PARP8: variants seen among roughly 807,000 people sequenced by gnomAD.
PARP8 encodes protein mono-ADP-ribosyltransferase PARP8.
A neutral mutation model predicts 124.1 loss-of-function variants in PARP8; 51 were observed. The ratio of observed to expected loss-of-function variants is 0.41; its 90% CI spans 0.33 to 0.52. The LOEUF (loss-of-function observed/expected upper bound fraction) is 0.52, where lower values mean the gene tolerates loss of function less well. Ranked by LOEUF, PARP8 falls within the 20% of genes least tolerant of loss-of-function variation. PARP8 has a pLI of 0.21. For missense variants in PARP8, 860 were observed against 1,018.9 expected, an observed-to-expected ratio of 0.84 and a Z score of 2.12; for synonymous variants, 391 against 361.5, an observed-to-expected ratio of 1.08 and a Z score of -0.93.
chr5:50,758,279 C>A (rs1760179836), intron 3 of PARP8, among the ~76,000 whole-genome samples: 1 of 152,102 alleles, frequency 6.6e-6, no homozygotes, highest in Admixed American at 6.5e-5. Context: ...CTAAATAAAG[C>A]AAAATTTGTG....
intron 14 of PARP8, among the ~76,000 whole-genome samples, chr5:50,806,893 C>G (rs371631545): frequency 1.3e-5 from 2 of 151,872 alleles, no homozygotes; most frequent in South Asian, 2.1e-4. Context: ...ATTCATTGAC[C>G]ATTATTGAGC....
At chr5:50,794,100 A>T (rs558649344) in intron 10 of PARP8, 107 bp from the exon 11 acceptor site, 3 of 1,214,250 alleles carry the variant, frequency 2.5e-6, no homozygotes, top group Non-Finnish European at 3.4e-6. Flanking sequence ...ACTGATTTCT[A>T]TGTGTTTGCA....
At chr5:50,718,399 T>G (rs1402269363) in intron 2 of PARP8, among the ~76,000 whole-genome samples, 1 of 151,954 alleles carries the variant, frequency 6.6e-6, no homozygotes, top group Non-Finnish European at 1.5e-5. Flanking sequence ...AAACTGCTTT[T>G]AAAACCATGG....
At chr5:50,839,662 T>C (rs1480527756) in intron 25 of PARP8, among the ~76,000 whole-genome samples, 2 of 66,714 alleles carry the variant, frequency 3.0e-5, no homozygotes, top group Non-Finnish European at 6.1e-5. Context: ...GTCTCTCTCT[T>C]TCTTTCTCTC....
chr5:50,840,927 C>T (rs766025234), intron 25 of PARP8, among the ~76,000 whole-genome samples: 9 of 151,756 alleles, frequency 5.9e-5, no homozygotes, highest in East Asian at 5.8e-4. Flanking sequence ...AAGAATTAGC[C>T]AAATAGACAA....
chr5:50,682,665 C>T (rs1473180213), intron 2 of PARP8, among the ~76,000 whole-genome samples: 5 of 152,122 alleles, frequency 3.3e-5, no homozygotes, highest in South Asian at 2.1e-4. Context: ...GGGCCTTACA[C>T]TATTTTAAAT....
intron 2 of PARP8, among the ~76,000 whole-genome samples, chr5:50,732,073 C>T (rs1757025911): frequency 6.6e-6 from 1 of 152,128 alleles, no homozygotes. Context: ...CACATTAGGC[C>T]ACCAGGGTTT....
intron 2 of PARP8, among the ~76,000 whole-genome samples, chr5:50,697,481 T>C (rs1753157554): frequency 6.6e-6 from 1 of 152,200 alleles, no homozygotes; most frequent in Non-Finnish European, 1.5e-5. Flanking sequence ...TCAGAAAGAA[T>C]CCAAATTATA....
chr5:50,710,963 A>G (rs1454725892), intron 2 of PARP8, among the ~76,000 whole-genome samples: 1 of 152,182 alleles, frequency 6.6e-6, no homozygotes, highest in East Asian at 1.9e-4. Context: ...GTACATAAAC[A>G]CATATACATA....
intron 7 of PARP8, among the ~76,000 whole-genome samples, chr5:50,776,568 T>C (rs1162724806): frequency 3.3e-5 from 5 of 152,214 alleles, no homozygotes; most frequent in Non-Finnish European, 1.5e-5. Flanking sequence ...CATGAAAGAA[T>C]AAGAGTGTAA....
At chr5:50,788,331 C>A (rs1283471255) in intron 9 of PARP8, among the ~76,000 whole-genome samples, 192 bp from the exon 10 acceptor site, 1 of 146,806 alleles carries the variant, frequency 6.8e-6, no homozygotes, top group Non-Finnish European at 1.5e-5. Context: ...ATATATTATA[C>A]ATTAATGTAT....
chr5:50,746,665 T>C (rs1758576461), intron 2 of PARP8, among the ~76,000 whole-genome samples: 1 of 152,206 alleles, frequency 6.6e-6, no homozygotes, highest in African/African-American at 2.4e-5. Context: ...ACCTCTGATA[T>C]ATATATTTTT....
chr5:50,732,785 A>AT (rs1757100915), intron 2 of PARP8, among the ~76,000 whole-genome samples: 1 of 151,430 alleles, frequency 6.6e-6, no homozygotes, highest in South Asian at 2.1e-4. Flanking sequence ...CGCTCGGCTA[A>AT]TTTTTTGTAT....
intron 2 of PARP8, among the ~76,000 whole-genome samples, chr5:50,723,445 G>A (rs192729712): frequency 5.6e-4 from 84 of 151,176 alleles, no homozygotes; most frequent in African/African-American, 1.8e-3. Context: ...ATATGACTGA[G>A]TGTTTGGATA....
At chr5:50,788,350 A>T (rs775342035) in intron 9 of PARP8, among the ~76,000 whole-genome samples, 173 bp from the exon 10 acceptor site, 1 of 148,836 alleles carries the variant, frequency 6.7e-6, no homozygotes, top group Non-Finnish European at 1.5e-5. Flanking sequence ...ATAATGACCA[A>T]TAATCTCCTA....
At chr5:50,831,281 G>T (rs1205225637) in intron 22 of PARP8, among the ~76,000 whole-genome samples, 1 of 152,066 alleles carries the variant, frequency 6.6e-6, no homozygotes. Flanking sequence ...TACGCTCATA[G>T]ATTCTTTGGG....
At chr5:50,792,537 T>C (rs1163549737) in intron 10 of PARP8, among the ~76,000 whole-genome samples, 1 of 152,076 alleles carries the variant, frequency 6.6e-6, no homozygotes, top group Non-Finnish European at 1.5e-5. Context: ...CCGTCTTTCT[T>C]AAAGAATGGT....
chr5:50,724,234 A>C (rs1756189503), intron 2 of PARP8, among the ~76,000 whole-genome samples: 1 of 152,154 alleles, frequency 6.6e-6, no homozygotes, highest in South Asian at 2.1e-4. Flanking sequence ...TGGAATGAAC[A>C]AATAAATATA....
chr5:50,797,789 A>T (rs1311213777), intron 14 of PARP8, among the ~76,000 whole-genome samples: 1 of 152,252 alleles, frequency 6.6e-6, no homozygotes, highest in Non-Finnish European at 1.5e-5. Flanking sequence ...CAATTTTAAA[A>T]TGATTTTTTT....
Sources: gnomAD v4.1 joint callset for allele counts (sites outside exome capture counted in the v4.1 genomes callset) on GRCh38, gnomAD v4.1.1 for gene constraint, MANE v1.5 for transcripts, NCBI Gene and HGNC (gene_info 2026-07-23, HGNC 2026-07-21) for gene names.